PDE4D: variants seen among roughly 807,000 people sequenced by gnomAD.
PDE4D encodes 3',5'-cyclic-AMP phosphodiesterase 4D.
A neutral mutation model predicts 87.4 loss-of-function variants in PDE4D; 24 were observed. The ratio of observed to expected loss-of-function variants is 0.27; its 90% confidence interval spans 0.20 to 0.39. The LOEUF (loss-of-function observed/expected upper bound fraction) is 0.39. Ranked by LOEUF, PDE4D falls within the 10% of genes least tolerant of loss-of-function variation. The pLI is 1.00. For missense variants in PDE4D, 714 were observed against 1,041.0 expected (o/e 0.69, Z 4.32); for synonymous variants, 384 against 383.2 (o/e 1.00, Z -0.02).
Position 60,149,225 on chromosome 5 carries a change from G to GTTTATTTAGCTTATGGTTC in PDE4D, c.42+36313_42+36331dup, listed in dbSNP as rs1293122913. Among the ~76,000 whole-genome samples the GTTTATTTAGCTTATGGTTC allele has an allele frequency of 5.3e-5, 8 of 152,264 alleles. No individual in the cohort carries two copies. The East Asian group carries it at 1.5e-3, about 29-fold the overall frequency. ...GTTGAGTAACTTACAAAGAAAAGAA[G>GTTTATTTAGCTTATGGTTC]TTTATTTAGCTTATGGTTCTGGAGG... is the stretch of plus-strand genomic sequence containing the variant. On this transcript the variant is annotated intron_variant, in intron 2 of 16. Transcript: ENST00000502484.
At chr5:59,193,057 A>G (rs1356516014) in intron 3 of PDE4D, among the ~76,000 whole-genome samples, 1 of 152,244 alleles carries the variant, frequency 6.6e-6, no homozygotes, top group African/African-American at 2.4e-5. Context: ...TAGAAGGAAG[A>G]AGTAAACATC....
chr5:59,785,078 T>A (rs1469681220), intron 1 of PDE4D, among the ~76,000 whole-genome samples: 1 of 152,182 alleles, frequency 6.6e-6, no homozygotes, highest in Non-Finnish European at 1.5e-5. Context: ...GAGAATGAAC[T>A]AATACAATGG....
At chr5:59,977,438 G>A (rs928471086) in intron 3 of PDE4D, among the ~76,000 whole-genome samples, 25 of 152,132 alleles carry the variant, frequency 1.6e-4, no homozygotes, top group South Asian at 2.1e-4. Context: ...GACTGCAGAC[G>A]AAAAGTTGGA....
intron 5 of PDE4D, among the ~76,000 whole-genome samples, chr5:59,138,180 A>G (rs1028220146): frequency 2.0e-5 from 3 of 152,374 alleles, no homozygotes; most frequent in African/African-American, 7.2e-5. Context: ...ATAGCTGTTT[A>G]GTGCATGTGT....
intron 5 of PDE4D, among the ~76,000 whole-genome samples, chr5:59,116,761 C>A (rs1051888635): frequency 6.6e-6 from 1 of 152,094 alleles, no homozygotes; most frequent in African/African-American, 2.4e-5. Flanking sequence ...GCAGGCAGAA[C>A]AAGGAATGGT....
chr5:59,193,533 G>A lies in PDE4D; in HGVS notation c.651C>T (p.His217=), dbSNP rs548111506. Residue 217 remains histidine, a synonymous_variant, in exon 3 of 15, where the codon CAC becomes CAT. Transcript: ENST00000340635. Reference sequence around the variant, plus strand: ...ATGGAGTCACAATCAAGTCATCTCCGTGTCTGAAAAATAAACCAAATCCCG... The same window carrying A: ...ATGGAGTCACAATCAAGTCATCTCCATGTCTGAAAAATAAACCAAATCCCG... ...SRNSSIASDI[H]GDDLIVTPFA... The A allele has an allele frequency of 2.3e-5, 37 of 1,613,454 alleles. No homozygotes were observed. The East Asian group carries it at 3.1e-4, about 14-fold the overall frequency.
At chr5:59,898,985 A>G (rs2152760926) in intron 3 of PDE4D, among the ~76,000 whole-genome samples, 1 of 152,324 alleles carries the variant, frequency 6.6e-6, no homozygotes, top group Middle Eastern at 3.4e-3. Context: ...CATTTGCCCA[A>G]ACTAGAAAAA....
At chr5:59,424,894 G>C (rs1275915686) in intron 1 of PDE4D, among the ~76,000 whole-genome samples, 1 of 152,160 alleles carries the variant, frequency 6.6e-6, no homozygotes, top group Non-Finnish European at 1.5e-5. Flanking sequence ...CAGGCCAACA[G>C]GATGGTCGCT....
intron 1 of PDE4D, among the ~76,000 whole-genome samples, chr5:59,326,868 A>G (rs542708353): frequency 2.6e-5 from 4 of 152,292 alleles, no homozygotes; most frequent in African/African-American, 9.6e-5. Context: ...TCCAATTCGC[A>G]TATATTTAAT....
intron 1 of PDE4D, among the ~76,000 whole-genome samples, chr5:59,567,339 C>T (rs1821112324): frequency 6.6e-6 from 1 of 152,150 alleles, no homozygotes; most frequent in Non-Finnish European, 1.5e-5. Context: ...CAGCAAGATA[C>T]AGTCAACATG....
chr5:59,996,494 T>C (rs1051428170), intron 2 of PDE4D, among the ~76,000 whole-genome samples: 2 of 152,206 alleles, frequency 1.3e-5, no homozygotes, highest in African/African-American at 4.8e-5. Context: ...ACATATTATA[T>C]GCCAATAGCA....
chr5:59,027,696 C>A (rs889309333), intron 6 of PDE4D, among the ~76,000 whole-genome samples: 1 of 152,048 alleles, frequency 6.6e-6, no homozygotes, highest in Admixed American at 6.6e-5. Context: ...GTGTAGGGTT[C>A]CATTTGTTTG....
intron 1 of PDE4D, among the ~76,000 whole-genome samples, chr5:60,511,267 C>T (rs1232954838): frequency 6.6e-6 from 1 of 152,136 alleles, no homozygotes; most frequent in Non-Finnish European, 1.5e-5. Context: ...CCATGCCCAG[C>T]CCTGCCATGG....
intron 1 of PDE4D, among the ~76,000 whole-genome samples, chr5:59,495,818 G>T (rs1296118402): frequency 6.6e-6 from 1 of 152,136 alleles, no homozygotes; most frequent in East Asian, 1.9e-4. Flanking sequence ...GTACCTCTAG[G>T]GGAGCATGCA....
At position 60,004,634 on chromosome 5, in the gene PDE4D, A is replaced by G. The variant is rs184186599; in HGVS notation, c.43-15917T>C. ...CCTACAACTCAATAGCAAACACTCC[A>G]ATAACCCATTTTAAAAATAGGCAAG... is the stretch of plus-strand genomic sequence containing the variant. On this transcript the variant is annotated intron_variant, in intron 2 of 16. Coordinates refer to the PDE4D transcript ENST00000502484. Among the ~76,000 whole-genome samples the G allele has an allele frequency of 1.9e-4, 29 of 152,272 alleles. 1 individual carries two copies. In the East Asian group the frequency reaches 4.8e-3, roughly 25 times the overall value.
chr5:60,182,393 A>C (rs940955610), intron 2 of PDE4D, among the ~76,000 whole-genome samples: 4 of 152,252 alleles, frequency 2.6e-5, no homozygotes, highest in Admixed American at 6.5e-5. Flanking sequence ...ACAGTGACTT[A>C]TTAAATCAAT....
chr5:60,204,026 A>G (rs1742214704), intron 1 of PDE4D, among the ~76,000 whole-genome samples: 2 of 152,202 alleles, frequency 1.3e-5, no homozygotes, highest in African/African-American at 4.8e-5. Flanking sequence ...GCAAAGTTTC[A>G]TTGATTGAAT....
chr5:59,742,185 T>C (rs1758944457), intron 1 of PDE4D, among the ~76,000 whole-genome samples: 1 of 152,146 alleles, frequency 6.6e-6, no homozygotes, highest in African/African-American at 2.4e-5. Flanking sequence ...TGCCTCAGCC[T>C]CCTGAGTAGC....
upstream of PDE4D, among the ~76,000 whole-genome samples, chr5:59,898,469 C>A (rs549300370): frequency 9.2e-5 from 14 of 152,222 alleles, no homozygotes; most frequent in South Asian, 2.7e-3. Context: ...AACATTCAAC[C>A]CTTACAGCTC....
Sources: gnomAD v4.1 joint callset for allele counts (sites outside exome capture counted in the v4.1 genomes callset) on GRCh38, gnomAD v4.1.1 for gene constraint, MANE v1.5 for transcripts, NCBI Gene and HGNC (gene_info 2026-07-23, HGNC 2026-07-21) for gene names.